AKAP6: variants seen among roughly 807,000 people sequenced by gnomAD.
AKAP6 encodes A-kinase anchor protein 6.
Under a neutral mutation model 188.5 loss-of-function variants are expected in AKAP6, and 58 were observed. That is an observed-to-expected ratio of 0.31 (90% CI 0.25 to 0.38). The LOEUF (loss-of-function observed/expected upper bound fraction) is 0.38. Ranked by LOEUF, AKAP6 falls within the 10% of genes least tolerant of loss-of-function variation. The pLI is 1.00. For synonymous variants in AKAP6, 989 were observed against 998.6 expected (o/e 0.99, Z 0.18); for missense variants, 2,710 against 2,740.0 (o/e 0.99, Z 0.24).
chr14:32,481,738 A>G (rs1879355629), intron 2 of AKAP6, among the ~76,000 whole-genome samples: 1 of 152,090 alleles, frequency 6.6e-6, no homozygotes, highest in African/African-American at 2.4e-5. Flanking sequence ...AAACCATATA[A>G]ATTTCCTTCT....
chr14:32,636,106 G>A (rs1178703717), intron 7 of AKAP6, among the ~76,000 whole-genome samples: 6 of 152,004 alleles, frequency 3.9e-5, no homozygotes, highest in East Asian at 1.9e-4. Context: ...TAAAATAAAC[G>A]TGCTCCCTAT....
At chr14:32,446,872 A>G (rs1890771838) in intron 2 of AKAP6, among the ~76,000 whole-genome samples, 1 of 152,184 alleles carries the variant, frequency 6.6e-6, no homozygotes, top group African/African-American at 2.4e-5. Context: ...TTTTATTTTA[A>G]AAAGCAAATG....
intron 2 of AKAP6, among the ~76,000 whole-genome samples, chr14:32,441,647 T>A (rs1890579776): frequency 6.7e-6 from 1 of 148,188 alleles, no homozygotes; most frequent in African/African-American, 2.6e-5. Context: ...TGGTGGTTCC[T>A]GGCACATTAT....
intron 12 of AKAP6, among the ~76,000 whole-genome samples, chr14:32,783,431 G>T (rs8018776): frequency 6.6e-6 from 1 of 152,098 alleles, no homozygotes; most frequent in Non-Finnish European, 1.5e-5. Context: ...TTATATCAAA[G>T]CATAAAATTT....
At chr14:32,706,470 A>T (rs1890816490) in intron 9 of AKAP6, among the ~76,000 whole-genome samples, 1 of 152,012 alleles carries the variant, frequency 6.6e-6, no homozygotes, top group South Asian at 2.1e-4. Flanking sequence ...TGGGAGATGC[A>T]CTAAAGGCAG....
chr14:32,526,957 C>T (rs535140542), intron 2 of AKAP6, among the ~76,000 whole-genome samples: 1 of 152,320 alleles, frequency 6.6e-6, no homozygotes, highest in African/African-American at 2.4e-5. Context: ...TACTTTGGCA[C>T]ATCATTATCA....
At chr14:32,768,802 C>T (rs1054297168) in intron 11 of AKAP6, among the ~76,000 whole-genome samples, 8 of 152,060 alleles carry the variant, frequency 5.3e-5, no homozygotes, top group Admixed American at 2.0e-4. Context: ...CTTGTTAAAG[C>T]ATGGTTCATT....
At chr14:32,796,131 A>C (rs1427533180) in intron 12 of AKAP6, among the ~76,000 whole-genome samples, 1 of 152,166 alleles carries the variant, frequency 6.6e-6, no homozygotes, top group Non-Finnish European at 1.5e-5. Context: ...ATCAGAGAGT[A>C]CATAAACAAA....
chr14:32,720,097 T>G (rs1205222339), intron 9 of AKAP6, among the ~76,000 whole-genome samples: 1 of 152,226 alleles, frequency 6.6e-6, no homozygotes, highest in Non-Finnish European at 1.5e-5. Context: ...CTATGATACA[T>G]AAATTCTCCT....
chr14:32,808,552 C>T (rs2034145856), intron 12 of AKAP6, among the ~76,000 whole-genome samples: 1 of 152,152 alleles, frequency 6.6e-6, no homozygotes, highest in Non-Finnish European at 1.5e-5. Context: ...ACTCACAAAG[C>T]AAAAGTAGAG....
chr14:32,738,620 T>G (rs1056873184), intron 11 of AKAP6, among the ~76,000 whole-genome samples: 2 of 152,162 alleles, frequency 1.3e-5, no homozygotes. Context: ...ATGAAGAATT[T>G]GAGTTGTGGA....
chr14:32,754,260 C>G (rs1326999281), intron 11 of AKAP6, among the ~76,000 whole-genome samples: 1 of 151,978 alleles, frequency 6.6e-6, no homozygotes, highest in East Asian at 1.9e-4. Context: ...AAATGACCAT[C>G]TTTGTCTCTT....
chr14:32,593,638 GC>G (rs1374292520), intron 5 of AKAP6, among the ~76,000 whole-genome samples: 3 of 152,170 alleles, frequency 2.0e-5, no homozygotes, highest in Non-Finnish European at 4.4e-5. Flanking sequence ...CTCCCAAGCT[GC>G]CTATGCTTAA....
intron 4 of AKAP6, among the ~76,000 whole-genome samples, chr14:32,566,891 A>G (rs375827178): frequency 6.6e-6 from 1 of 152,094 alleles, no homozygotes; most frequent in Admixed American, 6.5e-5. Context: ...TGGCTCAGCT[A>G]CCTACTGGTG....
chr14:32,433,370 T>G, intron 1 of AKAP6, 90 bp from the exon 2 acceptor site: 2 of 911,052 alleles, frequency 2.2e-6, no homozygotes. Context: ...TCTGGCTTAA[T>G]TTAGAAATCC....
chr14:32,812,406 A>G (rs1318089801), intron 12 of AKAP6, among the ~76,000 whole-genome samples: 1 of 150,216 alleles, frequency 6.7e-6, no homozygotes, highest in African/African-American at 2.5e-5. Flanking sequence ...TTCATTTTAA[A>G]CAGTCCTACA....
chr14:32,451,658 AT>A (rs1412656273), intron 2 of AKAP6, among the ~76,000 whole-genome samples: 1 of 152,172 alleles, frequency 6.6e-6, no homozygotes, highest in African/African-American at 2.4e-5. Flanking sequence ...AACATTTAAT[AT>A]TTTTTATTAT....
At chr14:32,615,540 T>C (rs1236518637) in intron 7 of AKAP6, among the ~76,000 whole-genome samples, 3 of 151,842 alleles carry the variant, frequency 2.0e-5, no homozygotes, top group African/African-American at 7.3e-5. Flanking sequence ...CTCTACCTAT[T>C]GAATCTCACA....
intron 11 of AKAP6, among the ~76,000 whole-genome samples, chr14:32,763,212 A>G (rs893420528): frequency 6.6e-6 from 1 of 152,086 alleles, no homozygotes; most frequent in Non-Finnish European, 1.5e-5. Flanking sequence ...AGAAGTCATA[A>G]TCTACTTAAA....
Sources: allele counts gnomAD v4.1 joint callset (sites outside exome capture counted in the v4.1 genomes callset), GRCh38; gene constraint gnomAD v4.1.1; transcripts MANE v1.5; gene names NCBI Gene and HGNC (gene_info 2026-07-23, HGNC 2026-07-21).